PLBD1: variants seen among roughly 807,000 people sequenced by gnomAD.
PLBD1 encodes lysosomal leucine aminopeptidase.
A neutral mutation model predicts 63.0 loss-of-function variants in PLBD1; 60 were observed. The observed-to-expected ratio is 0.95, with a 90% CI of 0.77 to 1.18. PLBD1 has a LOEUF of 1.18. PLBD1 is among the 50% of genes most tolerant of loss of function. The pLI, the probability that PLBD1 is intolerant of heterozygous loss-of-function variation, is 0.00. For synonymous variants in PLBD1, 262 were observed against 248.0 expected, an observed-to-expected ratio of 1.06 and a Z score of -0.53; for missense variants, 598 against 677.9, an observed-to-expected ratio of 0.88 and a Z score of 1.31.
At chr12:14,560,603 A>G (rs1211183435) in intron 1 of PLBD1, among the ~76,000 whole-genome samples, 1 of 152,184 alleles carries the variant, frequency 6.6e-6, no homozygotes, top group Non-Finnish European at 1.5e-5. Flanking sequence ...CAGTAAATTG[A>G]TACCTGGTTT....
At chr12:14,542,776 G>A (rs949402565) in intron 2 of PLBD1, among the ~76,000 whole-genome samples, 6 of 152,158 alleles carry the variant, frequency 3.9e-5, no homozygotes, top group African/African-American at 1.4e-4. Context: ...GGCTGGGCAC[G>A]GTGGCTCATG....
At chr12:14,520,352 C>T (rs1283670768) in intron 6 of PLBD1, among the ~76,000 whole-genome samples, 1 of 152,218 alleles carries the variant, frequency 6.6e-6, no homozygotes, top group African/African-American at 2.4e-5. Context: ...CAGGAGCAAC[C>T]TCCAGAAGAC....
intron 6 of PLBD1, among the ~76,000 whole-genome samples, chr12:14,515,300 C>T (rs1248226310): frequency 6.6e-6 from 1 of 152,096 alleles, no homozygotes; most frequent in African/African-American, 2.4e-5. Context: ...AGGGAGGACA[C>T]ATCCTGATTT....
intron 1 of PLBD1, among the ~76,000 whole-genome samples, chr12:14,564,213 A>G: frequency 6.6e-6 from 1 of 152,230 alleles, no homozygotes; most frequent in East Asian, 1.9e-4. Context: ...CTCCAAATAA[A>G]TGAATAAATA....
chr12:14,507,617 CT>C (rs1279712459), intron 8 of PLBD1, among the ~76,000 whole-genome samples: 1 of 152,120 alleles, frequency 6.6e-6, no homozygotes, highest in Non-Finnish European at 1.5e-5. Flanking sequence ...AGAATCAGGT[CT>C]TAGGCAGGCA....
At chr12:14,519,494 C>A (rs915383027) in intron 6 of PLBD1, among the ~76,000 whole-genome samples, 24 of 151,988 alleles carry the variant, frequency 1.6e-4, no homozygotes, top group African/African-American at 5.6e-4. Flanking sequence ...TGGCATGCAC[C>A]TGTAGTCCCA....
At chr12:14,548,918 T>C (rs1316799267) in intron 2 of PLBD1, among the ~76,000 whole-genome samples, 1 of 152,146 alleles carries the variant, frequency 6.6e-6, no homozygotes, top group Non-Finnish European at 1.5e-5. Context: ...GCAGACCAGG[T>C]CCCCATACCC....
intron 6 of PLBD1, among the ~76,000 whole-genome samples, chr12:14,513,523 T>C (rs551617750): frequency 5.9e-5 from 9 of 152,164 alleles, no homozygotes; most frequent in African/African-American, 1.9e-4. Context: ...ATAAGTAAGG[T>C]GGGGTCAAAG....
chr12:14,543,688 G>A (rs1404339388), intron 2 of PLBD1, among the ~76,000 whole-genome samples: 1 of 152,120 alleles, frequency 6.6e-6, no homozygotes, highest in African/African-American at 2.4e-5. Flanking sequence ...TCATGCCATT[G>A]CATTCCAGCC....
chr12:14,514,125 G>A (rs1945321302), intron 6 of PLBD1, among the ~76,000 whole-genome samples: 1 of 152,188 alleles, frequency 6.6e-6, no homozygotes, highest in African/African-American at 2.4e-5. Flanking sequence ...TTAAGCTATA[G>A]AGAGCTTTGT....
At chr12:14,508,738 C>G (rs1265736003) in intron 8 of PLBD1, among the ~76,000 whole-genome samples, 1 of 152,186 alleles carries the variant, frequency 6.6e-6, no homozygotes, top group African/African-American at 2.4e-5. Flanking sequence ...CAGCTGCAAT[C>G]TAGCCTGGGT....
intron 2 of PLBD1, among the ~76,000 whole-genome samples, chr12:14,547,724 T>C (rs763890531): frequency 2.6e-5 from 4 of 152,178 alleles, no homozygotes; most frequent in Non-Finnish European, 4.4e-5. Context: ...CAGAATCTTT[T>C]TGCATGATGG....
chr12:14,507,429 A>G (rs953184667), intron 8 of PLBD1, among the ~76,000 whole-genome samples: 2 of 152,226 alleles, frequency 1.3e-5, no homozygotes, highest in Non-Finnish European at 2.9e-5. Context: ...ATAGAGCAAA[A>G]TAAAGTATAA....
At chr12:14,525,603 G>A (rs1311965295) in intron 6 of PLBD1, among the ~76,000 whole-genome samples, 2 of 151,800 alleles carry the variant, frequency 1.3e-5, no homozygotes, top group African/African-American at 2.4e-5. Context: ...GCTAGCCCAC[G>A]ACAAAGCTGA....
At chr12:14,523,218 C>T (rs1945390422) in intron 6 of PLBD1, among the ~76,000 whole-genome samples, 1 of 151,768 alleles carries the variant, frequency 6.6e-6, no homozygotes, top group East Asian at 1.9e-4. Context: ...CAATAGCAGA[C>T]AATCAGAAAA....
In PLBD1 at chr12:14,507,079, AT is replaced by A. The variant is rs1343044598; in HGVS notation, c.1225del (p.Ile409SerfsTer10). ...CAGTGGATAGCCACTCCAGTTGTAG[AT>A]TTTTTCATGGAAAGGAACATTGTAG... ...PSYNVPFHEKIYNWSGYPLLV... is the reference protein window; with the variant it reads ...PSYNVPFHEKXYNWSGYPLLV... On this transcript the variant is annotated frameshift_variant, in exon 9 of 11. Transcript: ENST00000240617. LOFTEE classifies it high-confidence loss of function. The A allele has an allele frequency of 6.2e-7, 1 of 1,612,960 alleles. No homozygotes were observed. Among genetic ancestry groups the A allele is most frequent in the African/African-American group, 1.3e-5 (1 of 74,880 alleles).
intron 1 of PLBD1, among the ~76,000 whole-genome samples, chr12:14,566,878 C>T (rs967349896): frequency 2.0e-5 from 3 of 151,920 alleles, no homozygotes; most frequent in African/African-American, 7.3e-5. Context: ...GGCGGATCGC[C>T]CGAGTCAGGC....
At chr12:14,561,566 T>G (rs776395956) in intron 1 of PLBD1, among the ~76,000 whole-genome samples, 2 of 152,114 alleles carry the variant, frequency 1.3e-5, no homozygotes, top group Non-Finnish European at 2.9e-5. Flanking sequence ...AACTTTCTTT[T>G]GTTTTGAGAC....
intron 2 of PLBD1, 46 bp from the exon 3 acceptor site, chr12:14,542,337 G>T: frequency 7.0e-7 from 1 of 1,420,734 alleles, no homozygotes; most frequent in Non-Finnish European, 9.9e-7. Context: ...TTTCTTCTTG[G>T]ATTTCTCCAT....
Sources: allele counts gnomAD v4.1 joint callset (sites outside exome capture counted in the v4.1 genomes callset), GRCh38; gene constraint gnomAD v4.1.1; transcripts MANE v1.5; gene names NCBI Gene and HGNC (gene_info 2026-07-23, HGNC 2026-07-21).